The following RANBP2 variants were observed in gnomAD, a reference collection of about 807,000 sequenced individuals.
The protein encoded by RANBP2 is RAN binding protein 2.
In RANBP2, 57 loss-of-function variants were observed where a neutral mutation model predicts 303.6. The ratio of observed to expected loss-of-function variants is 0.19; its 90% confidence interval spans 0.15 to 0.23. The LOEUF (loss-of-function observed/expected upper bound fraction) is 0.23. Among genes scored for constraint, RANBP2 ranks in the 10% least tolerant of loss-of-function variants. The pLI is 1.00. For synonymous variants in RANBP2, 1,167 were observed against 1,301.5 expected, an observed-to-expected ratio of 0.90 and a Z score of 2.23; for missense variants, 3,138 against 3,780.8, an observed-to-expected ratio of 0.83 and a Z score of 4.46.
chr2:108,907,844 C>T, the RANBP2 span: 8 of 1,613,174 alleles, frequency 5.0e-6, no homozygotes, highest in African/African-American at 1.3e-5. Context: ...CATCATGGCA[C>T]CTGCAGGAGC....
the RANBP2 span, among the ~76,000 whole-genome samples, chr2:109,151,371 G>A: frequency 6.6e-6 from 1 of 152,196 alleles, no homozygotes; most frequent in Middle Eastern, 3.4e-3. Context: ...TGGTTTAACA[G>A]GTGTTCAAAT....
chr2:109,546,751 CA>C, the RANBP2 span, among the ~76,000 whole-genome samples: 1 of 152,000 alleles, frequency 6.6e-6, no homozygotes, highest in Non-Finnish European at 1.5e-5. Context: ...TCTATTTTTC[CA>C]TAGTCTTTCA....
chr2:109,079,496 A>C, the RANBP2 span, among the ~76,000 whole-genome samples: 1 of 152,200 alleles, frequency 6.6e-6, no homozygotes, highest in African/African-American at 2.4e-5. Flanking sequence ...ACTGTATATC[A>C]AAACATCGTG....
At chr2:109,544,490 T>C in the RANBP2 span, 1 of 985,328 alleles carries the variant, frequency 1.0e-6, no homozygotes. Context: ...TAAATTCTTC[T>C]AGAGAGCTCT....
At chr2:109,187,362 T>TTG in the RANBP2 span, among the ~76,000 whole-genome samples, 2 of 3,596 alleles carry the variant, frequency 5.6e-4, no homozygotes, top group Non-Finnish European at 8.6e-4. Context: ...AACCACAGAC[T>TTG]TTTTTTTTTT....
At chr2:108,817,874 A>G in the RANBP2 span, among the ~76,000 whole-genome samples, 2 of 152,228 alleles carry the variant, frequency 1.3e-5, no homozygotes, top group Non-Finnish European at 2.9e-5. Flanking sequence ...GCAATAGGAC[A>G]CAAATACACC....
At chr2:109,614,212 G>A in the RANBP2 span, 3 of 1,024,186 alleles carry the variant, frequency 2.9e-6, no homozygotes, top group South Asian at 1.5e-4. Flanking sequence ...AAGTGGGCGG[G>A]CCTTGAGGCG....
the RANBP2 span, among the ~76,000 whole-genome samples, chr2:108,877,678 GAAGAA>G: frequency 6.6e-6 from 1 of 152,230 alleles, no homozygotes; most frequent in African/African-American, 2.4e-5. Context: ...TGGTGTCTCT[GAAGAA>G]AAGAACAGAA....
the RANBP2 span, among the ~76,000 whole-genome samples, chr2:108,912,442 C>CT: frequency 6.6e-6 from 1 of 152,208 alleles, no homozygotes; most frequent in Non-Finnish European, 1.5e-5. Flanking sequence ...ATGCCCCCGC[C>CT]TTCACCACCA....
chr2:109,062,716 G>T, the RANBP2 span, among the ~76,000 whole-genome samples: 1 of 152,106 alleles, frequency 6.6e-6, no homozygotes, highest in African/African-American at 2.4e-5. Context: ...GCCCTCTCTC[G>T]TGAGACAGAG....
At chr2:109,170,311 TCTCTC>T in the RANBP2 span, among the ~76,000 whole-genome samples, 3 of 128,524 alleles carry the variant, frequency 2.3e-5, 1 homozygote, top group East Asian at 9.3e-4. Flanking sequence ...TCTCTTCTCT[TCTCTC>T]CTCTCTCTCT....
the RANBP2 span, among the ~76,000 whole-genome samples, chr2:109,163,651 G>C: frequency 6.6e-6 from 1 of 151,866 alleles, no homozygotes; most frequent in African/African-American, 2.4e-5. Context: ...CGCCCGCCTC[G>C]GCCTCCCAAA....
chr2:109,439,126 A>G, the RANBP2 span, among the ~76,000 whole-genome samples: 1 of 152,186 alleles, frequency 6.6e-6, no homozygotes. Context: ...CTGTGGAATA[A>G]CAAGCAGGAT....
At chr2:109,182,940 T>C in the RANBP2 span, among the ~76,000 whole-genome samples, 5 of 152,208 alleles carry the variant, frequency 3.3e-5, no homozygotes, top group African/African-American at 7.2e-5. Context: ...CATGAATCTT[T>C]GACATTGGTG....
chr2:109,103,914 C>T, the RANBP2 span, among the ~76,000 whole-genome samples: 3 of 151,984 alleles, frequency 2.0e-5, no homozygotes, highest in African/African-American at 7.3e-5. Flanking sequence ...CTGCCTCAGC[C>T]TCCAAAGTAG....
the RANBP2 span, among the ~76,000 whole-genome samples, chr2:109,222,630 G>T: frequency 1.3e-5 from 2 of 152,338 alleles, no homozygotes; most frequent in South Asian, 4.1e-4. Flanking sequence ...CCTAGGAAGG[G>T]TGGTGCCCTG....
the RANBP2 span, among the ~76,000 whole-genome samples, chr2:109,095,368 T>C: frequency 6.6e-6 from 1 of 152,190 alleles, no homozygotes; most frequent in South Asian, 2.1e-4. Flanking sequence ...AAATAGAATG[T>C]GTTTTTGGTA....
the RANBP2 span, among the ~76,000 whole-genome samples, chr2:109,477,593 G>A: frequency 6.7e-6 from 1 of 150,078 alleles, no homozygotes; most frequent in Non-Finnish European, 1.5e-5. Flanking sequence ...TTGAGTTGCT[G>A]TAACAAAATG....
chr2:109,115,158 G>C, the RANBP2 span, among the ~76,000 whole-genome samples: 1 of 152,218 alleles, frequency 6.6e-6, no homozygotes, highest in Non-Finnish European at 1.5e-5. Flanking sequence ...GCTTGGTGCA[G>C]AGCTGAGTTC....
Sources: gnomAD v4.1 joint callset for allele counts (sites outside exome capture counted in the v4.1 genomes callset) on GRCh38, gnomAD v4.1.1 for gene constraint, MANE v1.5 for transcripts, NCBI Gene and HGNC (gene_info 2026-07-23, HGNC 2026-07-21) for gene names.